Variants in DDX20 observed in about 807,000 individuals in gnomAD.
DDX20 encodes the protein probable ATP-dependent RNA helicase DDX20.
In DDX20, 61 loss-of-function variants were observed where a neutral mutation model predicts 76.4. That is an observed-to-expected ratio of 0.80 (90% confidence interval 0.65 to 0.99). DDX20 has a LOEUF of 0.99. DDX20 is among the 50% of genes least tolerant of loss of function. The probability of loss-of-function intolerance (pLI) is 0.00; values close to 1 mark genes in which losing one functional copy is unlikely to be tolerated. For synonymous variants in DDX20, 357 were observed against 357.4 expected (o/e 1.00, Z 0.01); for missense variants, 976 against 996.8 (o/e 0.98, Z 0.28).
chr1:111,762,776 C>G lies in DDX20; in HGVS notation c.1204C>G (p.Arg402Gly), dbSNP rs1297007595. 4 of 1,603,962 alleles carry G rather than the reference C, an allele frequency of 2.5e-6. No individual in the cohort carries two copies. In the Admixed American group the frequency reaches 6.8e-5, roughly 27 times the overall value. The stretch of plus-strand genomic sequence containing the variant: ...CATGCATCGGATTGGGAGAGCTGGC[C>G]GTTTTGGTAAAAAAAAAAAAAAAAG... Reference protein sequence around the residue: ...TYMHRIGRAGRFGTLGLTVTY... With the variant: ...TYMHRIGRAGGFGTLGLTVTY... The change falls in exon 9 of 11, where the codon CGT (arginine) becomes GGT (glycine). Residue 402 changes from arginine (R) to glycine (G), a missense_variant. Arg to Gly is a moderately radical substitution (Grantham distance 125). Transcript: ENST00000369702.
At chr1:111,756,283 GGCGGCGGCGGCCAGGCCCGCGCCGCA>G in intron 1 of DDX20, 58 bp downstream of exon 1, 1 of 1,366,646 alleles carries the variant, frequency 7.3e-7, no homozygotes. Flanking sequence ...GGGACCGACG[GGCGGCGGCGGCCAGGCCCGCGCCGCA>G]GCTCAGGAAG....
At position 111,762,910 on chromosome 1, in the gene DDX20, A is replaced by C; in HGVS notation, c.1215A>C (p.Thr405=). The C allele has an allele frequency of 2.5e-6, 4 of 1,613,732 alleles. No homozygotes were observed. The highest frequency in any genetic ancestry group is 3.4e-6 in the Non-Finnish European group (4 of 1,179,684). The change falls in exon 10 of 11, where the codon ACA becomes ACC. Residue 405 remains threonine (T), a synonymous_variant. Transcript: ENST00000369702. The part of the protein sequence containing the change: ...HRIGRAGRFG[T]LGLTVTYCCR... ...TAACATTCTCTCTGCTTTTAGGTAC[A>C]TTGGGGCTGACAGTGACCTACTGTT...
At position 111,760,537 on chromosome 1, in the gene DDX20, T is replaced by C. The variant is rs77356074; in HGVS notation, c.629T>C (p.Leu210Pro). 2 of 1,613,490 alleles carry C rather than the reference T, an allele frequency of 1.2e-6. No homozygotes were observed. The highest frequency in any genetic ancestry group is 1.7e-4 in the Middle Eastern group (1 of 6,060). Residue 210 changes from leucine to proline, a missense_variant, in exon 4 of 11, where the codon CTT (leucine) becomes CCT (proline). Leu to Pro is a moderately conservative substitution (Grantham distance 98). Coordinates refer to ENST00000369702, the MANE Select transcript of DDX20 (RefSeq NM_007204.5). ...CCAGGCAGTATACGCCTCTTTATTCTTGATGAAGCAGATAAGCTTTTAGAA... is the reference window on the plus strand; with the variant it reads ...CCAGGCAGTATACGCCTCTTTATTCCTGATGAAGCAGATAAGCTTTTAGAA... ...LNPGSIRLFI[L>P]DEADKLLEEG...
chr1:111,760,538 T>C lies in DDX20; in HGVS notation c.630T>C (p.Leu210=). Residue 210 remains leucine, a synonymous_variant, in exon 4 of 11, where the codon CTT becomes CTC. Coordinates refer to ENST00000369702, the MANE Select transcript of DDX20 (RefSeq NM_007204.5). Reference sequence around the variant, plus strand: ...CAGGCAGTATACGCCTCTTTATTCTTGATGAAGCAGATAAGCTTTTAGAAG... The same window carrying C: ...CAGGCAGTATACGCCTCTTTATTCTCGATGAAGCAGATAAGCTTTTAGAAG... ...LNPGSIRLFI[L]DEADKLLEEG... 6.2e-7 allele frequency: 1 copy of C among 1,613,516 alleles called. No homozygotes were observed. The highest frequency in any genetic ancestry group is 8.5e-7 in the Non-Finnish European group (1 of 1,179,888).
chr1:111,756,352 C>T, intron 1 of DDX20, 127 bp downstream of exon 1: 2 of 982,142 alleles, frequency 2.0e-6, no homozygotes, highest in Non-Finnish European at 1.4e-6. Context: ...CAGGGCCCTG[C>T]CGGGGGCTAG....
At chr1:111,756,307 G>A in intron 1 of DDX20, 82 bp downstream of exon 1, 6 of 1,346,654 alleles carry the variant, frequency 4.5e-6, no homozygotes, top group East Asian at 2.9e-5. Flanking sequence ...GGCCCGCGCC[G>A]CAGCTCAGGA....
rs751156237 is a variant in DDX20, at chr1:111,766,593, T to TA, written c.2172dup (p.Glu725ArgfsTer4). Reference sequence around the variant, plus strand: ...CTGGAATCCAGATGAAGACAAGACTTAAAGAGGGGGCTAGCCAGAGAGCTA... The same window carrying TA: ...CTGGAATCCAGATGAAGACAAGACTTAAAAGAGGGGGCTAGCCAGAGAGCTA... On this transcript the variant is annotated frameshift_variant, in exon 11 of 11. Coordinates refer to ENST00000369702, the MANE Select transcript of DDX20 (RefSeq NM_007204.5). LOFTEE classifies it high-confidence loss of function. The TA allele has an allele frequency of 3.1e-6, 5 of 1,614,040 alleles. No individual in the cohort carries two copies. The South Asian group carries it at 3.3e-5, about 11-fold the overall frequency.
Position 111,756,273 on chromosome 1 carries a change from G to A in DDX20, c.301+48G>A. 9 of 1,302,020 alleles carry A rather than the reference G, an allele frequency of 6.9e-6. No homozygotes were observed. The South Asian group carries it at 1.4e-4, about 20-fold the overall frequency. 80.7% of individuals were successfully genotyped at this position (1,302,020 alleles called of 1,614,324 possible). A position where few individuals can be genotyped will look rare whatever the true frequency, so the allele number is the denominator to read the frequency against. On this transcript the variant is annotated intron_variant, in intron 1 of 10. Coordinates refer to ENST00000369702, the MANE Select transcript of DDX20 (RefSeq NM_007204.5). ...GGTCGGGGGGTGGGGTGGGAGAAGG[G>A]GGACCGACGGGCGGCGGCGGCCAGG...
intron 2 of DDX20, among the ~76,000 whole-genome samples, chr1:111,758,732 T>G (rs1453706111): frequency 6.6e-6 from 1 of 152,182 alleles, no homozygotes; most frequent in Non-Finnish European, 1.5e-5. Context: ...ATGACTCCTT[T>G]TTTCCTTGTT....
At position 111,766,674 on chromosome 1, in the gene DDX20, C is replaced by T; in HGVS notation, c.2250C>T (p.Ala750=). The T allele has an allele frequency of 3.1e-6, 5 of 1,614,060 alleles. No homozygotes were observed. The highest frequency in any genetic ancestry group is 1.6e-4 in the Middle Eastern group (1 of 6,062). The change falls in exon 11 of 11, where the codon GCC becomes GCT. Residue 750 remains alanine (A), a synonymous_variant. Transcript: ENST00000369702. ...RRSSFRLQTE[A]QEDDWYDCHR... Reference sequence around the variant, plus strand: ...CTTCCTTCAGATTGCAGACTGAAGCCCAGGAAGATGATTGGTATGACTGTC... The same window carrying T: ...CTTCCTTCAGATTGCAGACTGAAGCTCAGGAAGATGATTGGTATGACTGTC...
intron 7 of DDX20, 141 bp downstream of exon 7, chr1:111,761,425 C>G (rs1201234383): frequency 1.6e-6 from 1 of 629,016 alleles, no homozygotes; most frequent in East Asian, 2.9e-5. Context: ...AATTTTCAGG[C>G]TTATTTTTCA....
rs78248378 is a variant in DDX20, at chr1:111,762,784, T to TAA, written c.1210+17_1210+18dup. The TAA allele has an allele frequency of 5.3e-4, 807 of 1,524,158 alleles. No homozygotes were observed. The highest frequency in any genetic ancestry group is 4.6e-3 in the African/African-American group (311 of 68,124). 94.4% of individuals were successfully genotyped at this position (1,524,158 alleles called of 1,614,324 possible). A position where few individuals can be genotyped will look rare whatever the true frequency, so the allele number is the denominator to read the frequency against. ...GGATTGGGAGAGCTGGCCGTTTTGG[T>TAA]AAAAAAAAAAAAAAAAGTTTGAGTG... On this transcript the variant is annotated splice_region_variant and intron_variant, in intron 9 of 10. Transcript: ENST00000369702.
intron 2 of DDX20, among the ~76,000 whole-genome samples, chr1:111,759,032 AAAAT>A (rs1663619170): frequency 6.6e-6 from 1 of 152,248 alleles, no homozygotes; most frequent in South Asian, 2.1e-4. Context: ...GGAACAATAA[AAAAT>A]AATACAACAA....
At chr1:111,764,464 C>T (rs1040922098) in intron 10 of DDX20, among the ~76,000 whole-genome samples, 3 of 152,108 alleles carry the variant, frequency 2.0e-5, no homozygotes, top group Non-Finnish European at 4.4e-5. Context: ...AGTAATAACT[C>T]ATTTTATGAT....
At chr1:111,765,098 T>C (rs1663752272) in intron 10 of DDX20, among the ~76,000 whole-genome samples, 1 of 152,202 alleles carries the variant, frequency 6.6e-6, no homozygotes, top group Non-Finnish European at 1.5e-5. Context: ...GGTCTGAGTG[T>C]GGGAAGCAAA....
chr1:111,765,204 T>A (rs1265580419), intron 10 of DDX20, among the ~76,000 whole-genome samples: 1 of 152,256 alleles, frequency 6.6e-6, no homozygotes, highest in Non-Finnish European at 1.5e-5. Flanking sequence ...TAGTCACAGA[T>A]CTTTTCATAG....
intron 8 of DDX20, 116 bp downstream of exon 8, chr1:111,762,453 T>C: frequency 5.4e-6 from 5 of 920,240 alleles, no homozygotes; most frequent in Non-Finnish European, 8.3e-6. Flanking sequence ...TACCAGAAGA[T>C]AATTATCTTT....
chr1:111,762,194 A>T, intron 7 of DDX20, 61 bp from the exon 8 acceptor site: 1 of 1,356,614 alleles, frequency 7.4e-7, no homozygotes, highest in African/African-American at 1.5e-5. Context: ...CTTTTTGTGG[A>T]TTGGATAAAT....
chr1:111,761,075 C>G lies in DDX20; in HGVS notation c.912C>G (p.Phe304Leu). Residue 304 changes from phenylalanine (F) to leucine (L), a missense_variant, in exon 6 of 11, where the codon TTC becomes TTG. Phe to Leu is a conservative substitution (Grantham distance 22, BLOSUM62 0). Around this residue, in one of 3 missense-constraint regions of DDX20, gnomAD observed 630 missense variants for 693.7 expected, o/e 0.91. Transcript: ENST00000369702. Reference protein sequence around the residue: ...EEKTQHLQELFSRIPFNQALV... With the variant: ...EEKTQHLQELLSRIPFNQALV... ...AGACTCAGCATTTACAGGAACTGTTCAGCAGAATTCCATTTAATCAAGCTT... is the reference window on the plus strand; with the variant it reads ...AGACTCAGCATTTACAGGAACTGTTGAGCAGAATTCCATTTAATCAAGCTT... 1 of 1,613,962 alleles carries G rather than the reference C, an allele frequency of 6.2e-7. No homozygotes were observed. The highest frequency in any genetic ancestry group is 1.1e-5 in the South Asian group (1 of 91,060).
Sources: allele counts gnomAD v4.1 joint callset (sites outside exome capture counted in the v4.1 genomes callset), GRCh38; gene constraint gnomAD v4.1.1; regional missense constraint gnomAD v4.1.1; transcripts MANE v1.5; gene names NCBI Gene and HGNC (gene_info 2026-07-23, HGNC 2026-07-21).